The following C12orf54 variants were observed in gnomAD, a reference collection of about 807,000 sequenced individuals.
C12orf54 encodes the protein uncharacterized protein C12orf54.
C12orf54 carries 24 observed loss-of-function variants against 26.4 expected under a neutral mutation model. That is an observed-to-expected ratio of 0.91 (90% confidence interval 0.66 to 1.28). C12orf54 has a LOEUF of 1.28. Among genes scored for constraint, C12orf54 ranks in the 50% most tolerant of loss-of-function variants. The probability of loss-of-function intolerance (pLI) is 0.00; values close to 1 mark genes in which losing one functional copy is unlikely to be tolerated. For missense variants in C12orf54, 154 were observed against 150.9 expected (o/e 1.02, Z -0.11); for synonymous variants, 54 against 47.0 (o/e 1.15, Z -0.61).
chr12:48,486,414 G>A (rs932101447), intron 3 of C12orf54: 37 of 629,124 alleles, frequency 5.9e-5, no homozygotes, highest in Non-Finnish European at 9.6e-5. Flanking sequence ...GACTAAAGGG[G>A]CAGGCAGGCT....
chr12:48,476,779 T>A, the C12orf54 span, among the ~76,000 whole-genome samples: 1 of 152,078 alleles, frequency 6.6e-6, no homozygotes, highest in Non-Finnish European at 1.5e-5. Context: ...AGACTTAGAC[T>A]CCCACACAAT....
chr12:48,486,070 T>C (rs1954258089), intron 2 of C12orf54, 108 bp from the exon 3 acceptor site: 2 of 1,110,576 alleles, frequency 1.8e-6, no homozygotes, highest in African/African-American at 1.5e-5. Context: ...GGATTTTTAG[T>C]ATAGAAACTT....
At chr12:48,467,769 T>C in the C12orf54 span, among the ~76,000 whole-genome samples, 1 of 152,160 alleles carries the variant, frequency 6.6e-6, no homozygotes, top group Non-Finnish European at 1.5e-5. Flanking sequence ...TGCCCAAAAT[T>C]AACAAGTATG....
the C12orf54 span, among the ~76,000 whole-genome samples, chr12:48,466,525 C>A: frequency 7.4e-6 from 1 of 134,926 alleles, no homozygotes; most frequent in African/African-American, 2.8e-5. Flanking sequence ...ACCTAGGCAA[C>A]AAGCGTGAAA....
At chr12:48,489,091 T>A in intron 5 of C12orf54, 135 bp downstream of exon 5, 2 of 901,138 alleles carry the variant, frequency 2.2e-6, no homozygotes, top group Non-Finnish European at 3.7e-6. Flanking sequence ...ATTTCTCCCT[T>A]AAAGAGTACC....
the C12orf54 span, chr12:48,442,305 A>C: frequency 6.2e-5 from 10 of 160,426 alleles, no homozygotes; most frequent in African/African-American, 2.2e-4. Flanking sequence ...CAAATATAAG[A>C]CAAGAATATC....
the C12orf54 span, among the ~76,000 whole-genome samples, chr12:48,454,496 A>G: frequency 6.6e-6 from 1 of 152,318 alleles, no homozygotes; most frequent in Middle Eastern, 3.4e-3. Flanking sequence ...AACTGCAGGC[A>G]GATTAGAAAG....
chr12:48,421,955 C>T, the C12orf54 span, among the ~76,000 whole-genome samples: 6 of 152,046 alleles, frequency 3.9e-5, no homozygotes, highest in Admixed American at 1.3e-4. Context: ...TTGCCAAGAA[C>T]AATCCAAGAG....
At chr12:48,459,141 C>T in the C12orf54 span, among the ~76,000 whole-genome samples, 1 of 152,114 alleles carries the variant, frequency 6.6e-6, no homozygotes, top group African/African-American at 2.4e-5. Flanking sequence ...TTGCACTTTC[C>T]TAGCTCTCCC....
chr12:48,481,840 G>T (rs1441579828), upstream of C12orf54, among the ~76,000 whole-genome samples: 1 of 152,096 alleles, frequency 6.6e-6, no homozygotes, highest in Non-Finnish European at 1.5e-5. Context: ...TAGGCACAGT[G>T]CTCTCTCTGA....
the C12orf54 span, among the ~76,000 whole-genome samples, chr12:48,464,460 G>T: frequency 2.0e-5 from 3 of 152,190 alleles, no homozygotes; most frequent in East Asian, 5.8e-4. Context: ...CATGGTCATG[G>T]ATAGGAAGAA....
chr12:48,478,894 AG>A (rs1266663590), upstream of C12orf54, among the ~76,000 whole-genome samples: 1 of 152,236 alleles, frequency 6.6e-6, no homozygotes, highest in Non-Finnish European at 1.5e-5. Context: ...GTGGAGAAAC[AG>A]GAACACTTTT....
At chr12:48,413,867 G>A in the C12orf54 span, among the ~76,000 whole-genome samples, 1 of 152,034 alleles carries the variant, frequency 6.6e-6, no homozygotes, top group African/African-American at 2.4e-5. Flanking sequence ...CAAAGATCTT[G>A]GCATTTAGCT....
At chr12:48,484,388 G>GA (rs1480428304) in intron 2 of C12orf54, among the ~76,000 whole-genome samples, 4 of 152,102 alleles carry the variant, frequency 2.6e-5, no homozygotes, top group South Asian at 4.1e-4. Context: ...GGACCTTGAG[G>GA]AAAAAATAAT....
chr12:48,472,200 G>A, the C12orf54 span, among the ~76,000 whole-genome samples: 1 of 152,192 alleles, frequency 6.6e-6, no homozygotes, highest in Non-Finnish European at 1.5e-5. Flanking sequence ...TTTGTATCCT[G>A]AAATCTTACT....
At chr12:48,487,097 T>C (rs1020644719) in intron 4 of C12orf54, among the ~76,000 whole-genome samples, 3 of 152,186 alleles carry the variant, frequency 2.0e-5, no homozygotes, top group Admixed American at 6.5e-5. Context: ...AGGTTTCACT[T>C]TATAGTTGAA....
At chr12:48,452,335 CAAGAT>C in the C12orf54 span, among the ~76,000 whole-genome samples, 9 of 152,126 alleles carry the variant, frequency 5.9e-5, no homozygotes, top group Non-Finnish European at 1.2e-4. Context: ...AAAATCAACT[CAAGAT>C]AGATTACAGA....
chr12:48,458,470 A>G, the C12orf54 span, among the ~76,000 whole-genome samples: 1 of 151,950 alleles, frequency 6.6e-6, no homozygotes, highest in African/African-American at 2.4e-5. Flanking sequence ...TTTAACAACC[A>G]CCTCTCTGTT....
At chr12:48,472,647 G>A in the C12orf54 span, 1 of 1,613,892 alleles carries the variant, frequency 6.2e-7, no homozygotes, top group East Asian at 2.2e-5. Flanking sequence ...AGGAGCCTCT[G>A]CAGAGAAAGC....
Sources: allele counts gnomAD v4.1 joint callset (sites outside exome capture counted in the v4.1 genomes callset), GRCh38; gene constraint gnomAD v4.1.1; transcripts MANE v1.5; gene names NCBI Gene and HGNC (gene_info 2026-07-23, HGNC 2026-07-21).